TRAPPC10: variants seen among roughly 807,000 people sequenced by gnomAD.
TRAPPC10 encodes trafficking protein particle complex subunit 10, also known as TRAPP 130 kDa subunit.
TRAPPC10 carries 23 observed loss-of-function variants against 125.5 expected under a neutral mutation model. The ratio of observed to expected loss-of-function variants is 0.18; its 90% CI spans 0.13 to 0.26. The LOEUF is 0.26. Among genes scored for constraint, TRAPPC10 ranks in the 10% least tolerant of loss-of-function variants. The pLI, the probability that TRAPPC10 is intolerant of heterozygous loss-of-function variation, is 1.00. For synonymous variants in TRAPPC10, 509 were observed against 518.0 expected, an observed-to-expected ratio of 0.98 and a Z score of 0.24; for missense variants, 1,123 against 1,308.4, an observed-to-expected ratio of 0.86 and a Z score of 2.19.
intron 18 of TRAPPC10, 26 bp downstream of exon 18, chr21:44,089,959 C>T: frequency 6.3e-7 from 1 of 1,575,506 alleles, no homozygotes; most frequent in South Asian, 1.1e-5. Context: ...CGTGCGGGCC[C>T]TGGCTTCTTT....
chr21:44,061,993 T>C (rs1204786345), intron 6 of TRAPPC10, among the ~76,000 whole-genome samples: 1 of 152,208 alleles, frequency 6.6e-6, no homozygotes, highest in African/African-American at 2.4e-5. Context: ...GTGTTATTTA[T>C]AAGGTAAAGA....
At chr21:44,022,244 G>A (rs2032593647) in intron 1 of TRAPPC10, among the ~76,000 whole-genome samples, 1 of 148,254 alleles carries the variant, frequency 6.7e-6, no homozygotes, top group African/African-American at 2.5e-5. Flanking sequence ...AAGTAGCTGG[G>A]ATTACAGGCA....
rs181439911 is a variant in TRAPPC10, at chr21:44,015,025, T to A, written c.67+2465T>A. Among the ~76,000 whole-genome samples, 34 of 152,328 alleles carry A rather than the reference T, an allele frequency of 2.2e-4. 2 individuals carry two copies. Among genetic ancestry groups the A allele is most frequent in the Admixed American group, 2.1e-3 (32 of 15,302 alleles). On this transcript the variant is annotated intron_variant, in intron 1 of 22. Coordinates refer to ENST00000291574, the MANE Select transcript of TRAPPC10 (RefSeq NM_003274.5). ...CATGTTTTGAAAGGAGAAGGTGGTA[T>A]GAACAATTGCTTTAAAAAAATCCAC...
chr21:44,081,800 G>A (rs948649196), intron 13 of TRAPPC10, among the ~76,000 whole-genome samples: 3 of 152,140 alleles, frequency 2.0e-5, no homozygotes, highest in African/African-American at 7.2e-5. Context: ...GATCGCTTGA[G>A]CCCAGGAGAA....
At chr21:44,038,650 G>A (rs1300649775) in intron 3 of TRAPPC10, among the ~76,000 whole-genome samples, 2 of 152,040 alleles carry the variant, frequency 1.3e-5, no homozygotes, top group African/African-American at 2.4e-5. Flanking sequence ...AATTCTGTGC[G>A]GCACTTCTTC....
chr21:44,046,038 A>G (rs1411928711), intron 3 of TRAPPC10, among the ~76,000 whole-genome samples: 1 of 151,920 alleles, frequency 6.6e-6, no homozygotes, highest in South Asian at 2.1e-4. Flanking sequence ...ACAAAACCAG[A>G]TGTTTGTTAC....
chr21:44,039,329 G>A (rs1245684609), intron 3 of TRAPPC10, among the ~76,000 whole-genome samples: 2 of 152,194 alleles, frequency 1.3e-5, no homozygotes, highest in African/African-American at 4.8e-5. Flanking sequence ...TGATGCTCAG[G>A]TTGTCCCAGA....
At chr21:44,016,979 A>G (rs2031941250) in intron 1 of TRAPPC10, among the ~76,000 whole-genome samples, 4 of 152,226 alleles carry the variant, frequency 2.6e-5, no homozygotes, top group Admixed American at 6.5e-5. Flanking sequence ...AAATTTGCAC[A>G]TTGAAATTTT....
Position 44,019,885 on chromosome 21 carries a change from G to A in TRAPPC10, c.67+7325G>A, listed in dbSNP as rs1360853490. On this transcript the variant is annotated intron_variant, in intron 1 of 22. Transcript: ENST00000291574. ...GTTTGTCCTTCGTGTACTCCTGACC[G>A]AGGGAATGTTATCTTGACATTTGGG... 3.3e-5 allele frequency among the ~76,000 whole-genome samples: 5 copies of A among 152,184 alleles called. 1 individual carries two copies. The East Asian group carries it at 7.7e-4, about 23-fold the overall frequency.
Position 44,041,564 on chromosome 21 carries a change from G to C in TRAPPC10, c.285+3637G>C, listed in dbSNP as rs182250991. ...GCTAATTTTGTAGTTTGGAGACGGG[G>C]TTTCTCCATGTTGGTCAGGCTGGTC... On this transcript the variant is annotated intron_variant, in intron 3 of 22. Transcript: ENST00000291574. Among the ~76,000 whole-genome samples the C allele has an allele frequency of 4.6e-5, 7 of 151,820 alleles. No individual in the cohort carries two copies. In the East Asian group the frequency reaches 1.2e-3, roughly 25 times the overall value.
rs780274857 is a variant in TRAPPC10 at position 44,077,868 on chromosome 21, G to A, written c.1469+84G>A. On this transcript the variant is annotated intron_variant, in intron 11 of 22. Transcript: ENST00000291574. ...GTTATATATGGAGTTAGTATAAAGT[G>A]CACATAAATTTGTAGACTGAAAAGT... 2.5e-4 allele frequency: 260 copies of A among 1,050,928 alleles called. 1 individual carries two copies. Among genetic ancestry groups the A allele is most frequent in the Non-Finnish European group, 3.3e-4 (237 of 723,562 alleles). 65.1% of individuals were successfully genotyped at this position (1,050,928 alleles called of 1,614,324 possible).
At chr21:44,020,507 G>A (rs371101367) in intron 1 of TRAPPC10, among the ~76,000 whole-genome samples, 407 of 142,140 alleles carry the variant, frequency 2.9e-3, no homozygotes, top group Middle Eastern at 0.014. Context: ...ATGGTGGTGC[G>A]TGCTTCTAGT....
intron 1 of TRAPPC10, among the ~76,000 whole-genome samples, chr21:44,017,195 A>G (rs181188738): frequency 5.3e-4 from 80 of 152,328 alleles, no homozygotes; most frequent in African/African-American, 1.9e-3. Flanking sequence ...TGCAGAGAGT[A>G]TGTATTTGGA....
chr21:44,092,826 C>T (rs188636404), intron 19 of TRAPPC10, among the ~76,000 whole-genome samples: 94 of 152,072 alleles, frequency 6.2e-4, no homozygotes, highest in African/African-American at 1.9e-3. Flanking sequence ...GATGGAGTTT[C>T]GTTCTTGTCG....
chr21:44,085,408 A>G (rs1306645597), intron 15 of TRAPPC10, among the ~76,000 whole-genome samples: 1 of 152,200 alleles, frequency 6.6e-6, no homozygotes, highest in Non-Finnish European at 1.5e-5. Context: ...TTCAAATGCT[A>G]AACACTAGAT....
chr21:44,043,329 C>G (rs761345818), intron 3 of TRAPPC10, among the ~76,000 whole-genome samples: 2 of 150,508 alleles, frequency 1.3e-5, no homozygotes, highest in Non-Finnish European at 3.0e-5. Context: ...TTCTTCTGTC[C>G]CAGTCTCCTG....
At chr21:44,077,118 A>G (rs1253070282) in intron 10 of TRAPPC10, among the ~76,000 whole-genome samples, 2 of 152,174 alleles carry the variant, frequency 1.3e-5, no homozygotes, top group Non-Finnish European at 2.9e-5. Flanking sequence ...AAAAATACCC[A>G]GCATGTCACC....
At chr21:44,095,877 G>T (rs190101017) in intron 20 of TRAPPC10, among the ~76,000 whole-genome samples, 234 of 151,478 alleles carry the variant, frequency 1.5e-3, no homozygotes, top group African/African-American at 5.3e-3. Context: ...CCAAAGTACG[G>T]GTTTGTATGT....
intron 1 of TRAPPC10, among the ~76,000 whole-genome samples, chr21:44,014,177 G>C (rs1234338841): frequency 6.6e-6 from 1 of 152,194 alleles, no homozygotes; most frequent in Admixed American, 6.5e-5. Flanking sequence ...CATTTCTGAG[G>C]AGAAAGTTCC....
Sources: allele counts gnomAD v4.1 joint callset (sites outside exome capture counted in the v4.1 genomes callset), GRCh38; gene constraint gnomAD v4.1.1; transcripts MANE v1.5; gene names NCBI Gene and HGNC (gene_info 2026-07-23, HGNC 2026-07-21).